DCDC1: variants seen among roughly 807,000 people sequenced by gnomAD.
DCDC1 encodes the protein doublecortin domain-containing protein 1.
In DCDC1, 200 loss-of-function variants were observed where a neutral mutation model predicts 178.3. The observed-to-expected ratio is 1.12, with a 90% CI of 1.00 to 1.26. DCDC1 has a LOEUF of 1.26. Ranked by LOEUF, DCDC1 falls within the 50% of genes most tolerant of loss-of-function variation. The pLI is 0.00. For synonymous variants in DCDC1, 690 were observed against 604.8 expected (o/e 1.14, Z -2.07); for missense variants, 1,983 against 1,749.2 (o/e 1.13, Z -2.38).
chr11:31,252,105 C>T (rs943065935), intron 8 of DCDC1, among the ~76,000 whole-genome samples: 1 of 152,052 alleles, frequency 6.6e-6, no homozygotes, highest in Admixed American at 6.6e-5. Flanking sequence ...TTGCAGACTC[C>T]ACTAAATAAA....
At chr11:31,076,214 C>T (rs929821131) in intron 18 of DCDC1, among the ~76,000 whole-genome samples, 1 of 151,974 alleles carries the variant, frequency 6.6e-6, no homozygotes, top group African/African-American at 2.4e-5. Flanking sequence ...TGGATTAATT[C>T]CAAAGACCTG....
chr11:30,996,344 A>G (rs968484289), intron 20 of DCDC1, among the ~76,000 whole-genome samples: 14 of 152,198 alleles, frequency 9.2e-5, no homozygotes, highest in Non-Finnish European at 1.9e-4. Flanking sequence ...TGATGAGAAT[A>G]TAAAATGGTA....
intron 20 of DCDC1, among the ~76,000 whole-genome samples, chr11:30,977,047 A>T (rs1950141742): frequency 6.6e-6 from 1 of 152,180 alleles, no homozygotes; most frequent in Admixed American, 6.6e-5. Context: ...ATGAAACTAG[A>T]GGTCATTATG....
At chr11:31,184,257 C>A (rs1004823012) in intron 9 of DCDC1, among the ~76,000 whole-genome samples, 1 of 152,104 alleles carries the variant, frequency 6.6e-6, no homozygotes, top group Non-Finnish European at 1.5e-5. Flanking sequence ...GAAACTGGAC[C>A]GCTTCTTTAC....
At chr11:31,038,759 A>T (rs1954241486) in intron 20 of DCDC1, among the ~76,000 whole-genome samples, 1 of 152,190 alleles carries the variant, frequency 6.6e-6, no homozygotes, top group Admixed American at 6.5e-5. Context: ...TAGTGAATTT[A>T]ACTCAAATTC....
intron 17 of DCDC1, among the ~76,000 whole-genome samples, chr11:31,080,738 G>A (rs1052566838): frequency 6.6e-6 from 1 of 152,144 alleles, no homozygotes; most frequent in East Asian, 1.9e-4. Flanking sequence ...GTTGGGTTGC[G>A]ATAAAATTTA....
chr11:31,241,982 A>T (rs1488129584), intron 8 of DCDC1, among the ~76,000 whole-genome samples: 1 of 151,970 alleles, frequency 6.6e-6, no homozygotes, highest in Non-Finnish European at 1.5e-5. Context: ...AAACTGTAAG[A>T]TCCATGTTGT....
chr11:31,212,510 G>A (rs1972687240), intron 9 of DCDC1, among the ~76,000 whole-genome samples: 1 of 151,940 alleles, frequency 6.6e-6, no homozygotes, highest in Non-Finnish European at 1.5e-5. Context: ...TAGCTAACTG[G>A]GCAAAGATAT....
chr11:31,343,780 G>T (rs1950673312), intron 1 of DCDC1, among the ~76,000 whole-genome samples: 1 of 151,988 alleles, frequency 6.6e-6, no homozygotes, highest in Non-Finnish European at 1.5e-5. Flanking sequence ...ATTAGCTGGG[G>T]GTGGTGGCAG....
At chr11:31,144,142 A>G (rs1023059347) in intron 9 of DCDC1, among the ~76,000 whole-genome samples, 12 of 151,976 alleles carry the variant, frequency 7.9e-5, no homozygotes, top group African/African-American at 2.9e-4. Context: ...ATTATATTTT[A>G]TTTTTTGAGA....
At chr11:31,183,333 C>A (rs934687343) in intron 9 of DCDC1, among the ~76,000 whole-genome samples, 10 of 152,142 alleles carry the variant, frequency 6.6e-5, no homozygotes, top group Non-Finnish European at 1.3e-4. Context: ...CTAAAATTGA[C>A]CACATAATTG....
intron 11 of DCDC1, among the ~76,000 whole-genome samples, chr11:31,123,585 A>G (rs1244851857): frequency 6.6e-6 from 1 of 151,860 alleles, no homozygotes; most frequent in East Asian, 1.9e-4. Context: ...ACATGCAGCC[A>G]TGTCATTTTT....
chr11:31,262,554 G>A (rs1944868265), intron 8 of DCDC1: 1 of 152,136 alleles, frequency 6.6e-6, no homozygotes, highest in Non-Finnish European at 1.5e-5. Context: ...TAATTGCTAT[G>A]ATTTTAACAT....
intron 9 of DCDC1, among the ~76,000 whole-genome samples, chr11:31,177,632 C>T (rs978449319): frequency 3.3e-5 from 5 of 152,020 alleles, no homozygotes; most frequent in Admixed American, 1.3e-4. Flanking sequence ...ACATGAGACT[C>T]GCCTCACAGT....
chr11:30,968,523 G>A lies in DCDC1; in HGVS notation c.2592-15955C>T, dbSNP rs1949574394. The stretch of plus-strand genomic sequence containing the variant: ...GTTATTACAGCATATTGTTATAATT[G>A]TTCTATTTTATTACTAGTTATTGCT... On this transcript the variant is annotated intron_variant, in intron 20 of 38. Coordinates refer to ENST00000684477, the MANE Select transcript of DCDC1 (RefSeq NM_001387274.1). Among the ~76,000 whole-genome samples, 4 of 150,712 alleles carry A rather than the reference G, an allele frequency of 2.7e-5. No homozygotes were observed. In the South Asian group the frequency reaches 8.4e-4, roughly 32 times the overall value.
chr11:31,329,042 T>C (rs1419330348), intron 2 of DCDC1, among the ~76,000 whole-genome samples: 2 of 149,778 alleles, frequency 1.3e-5, no homozygotes, highest in Non-Finnish European at 3.0e-5. Flanking sequence ...GTCAATTATG[T>C]GGCCTTGCCT....
intron 18 of DCDC1, among the ~76,000 whole-genome samples, chr11:31,074,274 G>A (rs1334098848): frequency 6.6e-6 from 1 of 152,132 alleles, no homozygotes; most frequent in Non-Finnish European, 1.5e-5. Context: ...GGAGTTACGG[G>A]AAGCTGTCCA....
rs909071551 is a variant in DCDC1, at chr11:31,039,724, T to C, written c.2591+24745A>G. The stretch of plus-strand genomic sequence containing the variant: ...ATGATATTCACAAGGATAATGGGTA[T>C]TATGCCATAAAATTTTTACAGAAGC... On this transcript the variant is annotated intron_variant, in intron 20 of 38. Transcript: ENST00000684477. Among the ~76,000 whole-genome samples, 4 of 152,152 alleles carry C rather than the reference T, an allele frequency of 2.6e-5. No homozygotes were observed. The East Asian group carries it at 5.8e-4, about 22-fold the overall frequency.
At chr11:31,333,283 CAT>C (rs1461252995) in intron 2 of DCDC1, among the ~76,000 whole-genome samples, 2 of 152,178 alleles carry the variant, frequency 1.3e-5, no homozygotes, top group Non-Finnish European at 2.9e-5. Context: ...TGTCTCTCCA[CAT>C]GAGATGGGTC....
Sources: gnomAD v4.1 joint callset for allele counts (sites outside exome capture counted in the v4.1 genomes callset) on GRCh38, gnomAD v4.1.1 for gene constraint, MANE v1.5 for transcripts, NCBI Gene and HGNC (gene_info 2026-07-23, HGNC 2026-07-21) for gene names.